The following CDH15 variants were observed in gnomAD, a reference collection of about 807,000 sequenced individuals.
CDH15 encodes cadherin 15, also known as cadherin-15.
A neutral mutation model predicts 69.4 loss-of-function variants in CDH15; 73 were observed. The observed-to-expected ratio is 1.05, with a 90% CI of 0.87 to 1.28. The LOEUF (loss-of-function observed/expected upper bound fraction) is 1.28, where lower values mean the gene tolerates loss of function less well. Among genes scored for constraint, CDH15 ranks in the 50% most tolerant of loss-of-function variants. CDH15 has a pLI of 0.00. For synonymous variants in CDH15, 624 were observed against 507.7 expected (o/e 1.23, Z -3.08); for missense variants, 1,343 against 1,133.6 (o/e 1.18, Z -2.65).
intron 7 of CDH15, 38 bp downstream of exon 7, chr16:89,188,323 C>A: frequency 1.3e-6 from 2 of 1,567,504 alleles, no homozygotes; most frequent in Non-Finnish European, 1.7e-6. Context: ...TGCCGGCAGA[C>A]GCAGATGCCG....
intron 8 of CDH15, among the ~76,000 whole-genome samples, chr16:89,190,964 C>T (rs760704415): frequency 2.6e-5 from 4 of 151,814 alleles, no homozygotes; most frequent in Non-Finnish European, 5.9e-5. Context: ...GTGACTGCAG[C>T]TCCCATCATA....
chr16:89,183,379 T>C, intron 3 of CDH15, 169 bp from the exon 4 acceptor site: 2 of 725,514 alleles, frequency 2.8e-6, no homozygotes, highest in South Asian at 1.8e-5. Flanking sequence ...TTCAGGGACG[T>C]CCTCAGTCAC....
At chr16:89,193,371 C>A in intron 11 of CDH15, 99 bp from the exon 12 acceptor site, 1 of 730,418 alleles carries the variant, frequency 1.4e-6, no homozygotes, top group South Asian at 1.7e-5. Flanking sequence ...GCTTACCAGC[C>A]TTGCCCCGCC....
In CDH15 at chr16:89,194,875, C is replaced by T. The variant is rs1205470417; in HGVS notation, c.2165C>T (p.Ala722Val). 3 of 1,605,228 alleles carry T rather than the reference C, an allele frequency of 1.9e-6. No homozygotes were observed. In the South Asian group the frequency reaches 3.3e-5, roughly 18 times the overall value. The part of the protein sequence containing the change: ...ADFINDGLEA[A>V]DSDPSVPPYD... ...GCCTCTTTATAGGGCTTGGAGGCTG[C>T]AGATAGTGACCCCAGTGTGCCGCCT... is the stretch of plus-strand genomic sequence containing the variant. Residue 722 changes from alanine to valine, a missense_variant, in exon 14 of 14, where the codon GCA (alanine) becomes GTA (valine). Ala to Val is a moderately conservative substitution (Grantham distance 64). Coordinates refer to ENST00000289746, the MANE Select transcript of CDH15 (RefSeq NM_004933.3).
At chr16:89,187,687 G>C in intron 6 of CDH15, 130 bp downstream of exon 6, 2 of 1,340,596 alleles carry the variant, frequency 1.5e-6, no homozygotes, top group Non-Finnish European at 2.1e-6. Context: ...GGAACTCCGC[G>C]TGGGCGGGTG....
intron 12 of CDH15, 25 bp downstream of exon 12, chr16:89,193,631 AG>A: frequency 6.4e-7 from 1 of 1,573,836 alleles, no homozygotes; most frequent in Non-Finnish European, 8.6e-7. Flanking sequence ...GTGGGTGGGG[AG>A]GGGTCCCCAA....
At chr16:89,185,452 C>T in intron 5 of CDH15, 119 bp downstream of exon 5, 1 of 1,131,994 alleles carries the variant, frequency 8.8e-7, no homozygotes, top group Non-Finnish European at 1.3e-6. Flanking sequence ...CACTGCAGAG[C>T]TTGCAGTGGC....
Position 89,171,838 on chromosome 16 carries a change from G to C in CDH15, c.7G>C (p.Ala3Pro). 6.4e-7 allele frequency: 1 copy of C among 1,558,974 alleles called. No individual in the cohort carries two copies. Among genetic ancestry groups the C allele is most frequent in the Non-Finnish European group, 8.7e-7 (1 of 1,155,390 alleles). The change falls in exon 1 of 14, where the codon GCC becomes CCC. Residue 3 changes from alanine to proline, a missense_variant. By Grantham distance (27) the Ala-to-Pro change is conservative. Transcript: ENST00000289746. ...GGCTCCCGCCTCGGCCCCGATGGAC[G>C]CCGCGTTCCTCCTCGTCCTCGGGCT... MD[A>P]AFLLVLGLLA...
At chr16:89,183,838 G>C (rs1915428424) in intron 4 of CDH15, 146 bp downstream of exon 4, 1 of 832,402 alleles carries the variant, frequency 1.2e-6, no homozygotes, top group Non-Finnish European at 1.8e-6. Context: ...CGTTTCCACA[G>C]GTCAACTCCT....
intron 3 of CDH15, among the ~76,000 whole-genome samples, chr16:89,181,250 C>G (rs541645925): frequency 1.3e-5 from 2 of 152,172 alleles, no homozygotes; most frequent in Non-Finnish European, 2.9e-5. Flanking sequence ...CAGTGGCCGC[C>G]ACTGTTCTGG....
chr16:89,188,499 C>T (rs1350526877), intron 7 of CDH15, among the ~76,000 whole-genome samples: 28 of 147,986 alleles, frequency 1.9e-4, no homozygotes, highest in African/African-American at 5.8e-4. Context: ...CACACAGATG[C>T]CGGCACACAC....
At chr16:89,185,505 G>A (rs890538390) in intron 5 of CDH15, 172 bp downstream of exon 5, 7 of 791,152 alleles carry the variant, frequency 8.8e-6, no homozygotes, top group African/African-American at 3.4e-5. Context: ...CCACTGATGC[G>A]CAGACAGGAG....
rs1199165517 is a variant in CDH15 at position 89,191,926 on chromosome 16, T to TCCCCACGCTCCCCCCAC, written c.1615+39_1615+55dup. On this transcript the variant is annotated intron_variant, in intron 10 of 13. Transcript: ENST00000289746. ...TCCCCTCACCGCCGCGCTCCCCCCA[T>TCCCCACGCTCCCCCCAC]CCCCACGCTCCCCCCACCCCCACAT... 8 of 1,435,340 alleles carry TCCCCACGCTCCCCCCAC rather than the reference T, an allele frequency of 5.6e-6. No individual in the cohort carries two copies. In the African/African-American group the frequency reaches 9.9e-5, roughly 18 times the overall value. The allele number at this position is 1,435,340 out of a possible 1,614,324, so 88.9% of individuals were successfully genotyped here.
Position 89,192,326 on chromosome 16 carries a change from G to A in CDH15, c.1737G>A (p.Val579=). The change falls in exon 11 of 14, where the codon GTG becomes GTA. Residue 579 remains valine (V), a synonymous_variant. Coordinates refer to ENST00000289746, the MANE Select transcript of CDH15 (RefSeq NM_004933.3). ...GCGAGCAGCCTCTGAACGTGACCGT[G>A]TGCCGCTGCGGCAAGGACGGCGTCT... The part of the protein sequence containing the change: ...QQREQPLNVT[V]CRCGKDGVCL... The A allele has an allele frequency of 1.3e-6, 2 of 1,535,820 alleles. No individual in the cohort carries two copies. Among genetic ancestry groups the A allele is most frequent in the Non-Finnish European group, 1.7e-6 (2 of 1,147,392 alleles).
intron 11 of CDH15, 49 bp downstream of exon 11, chr16:89,192,493 C>T (rs1239061393): frequency 1.9e-6 from 3 of 1,547,742 alleles, no homozygotes; most frequent in East Asian, 4.8e-5. Context: ...CTCGGACCCT[C>T]CTCCCCAGGC....
chr16:89,187,346 G>A, intron 5 of CDH15, 83 bp from the exon 6 acceptor site: 1 of 1,560,910 alleles, frequency 6.4e-7, no homozygotes, highest in Non-Finnish European at 8.7e-7. Flanking sequence ...GAGCTGGCCA[G>A]GTGGCCTGGC....
intron 10 of CDH15, 67 bp downstream of exon 10, chr16:89,191,961 G>T: frequency 6.9e-7 from 1 of 1,439,974 alleles, no homozygotes. Context: ...TTCCGGCCTC[G>T]GACGGGGGCA....
intron 3 of CDH15, among the ~76,000 whole-genome samples, chr16:89,180,892 T>C (rs1915361283): frequency 6.6e-6 from 1 of 151,246 alleles, no homozygotes; most frequent in South Asian, 2.1e-4. Context: ...CCCGGCTAAT[T>C]GTTTGTATTT....
rs1349758479 is a variant in CDH15, at chr16:89,193,506, G to A, written c.1892G>A (p.Trp631Ter). The A allele has an allele frequency of 1.9e-6, 3 of 1,612,076 alleles. No individual in the cohort carries two copies. Among genetic ancestry groups the A allele is most frequent in the African/African-American group, 2.7e-5 (2 of 74,882 alleles). Residue 631 changes from tryptophan to a stop codon, truncating the protein, a stop_gained, in exon 12 of 14, where the codon TGG becomes TAG. Coordinates refer to ENST00000289746, the MANE Select transcript of CDH15 (RefSeq NM_004933.3). LOFTEE classifies it high-confidence loss of function. ...VLLVALRARF[W>*]KQSRGKGLLH... ...CTCGTGGCACTCCGGGCGCGGTTCTGGAAGCAGTCTCGGGGCAAGGGGCTG... is the reference window on the plus strand; with the variant it reads ...CTCGTGGCACTCCGGGCGCGGTTCTAGAAGCAGTCTCGGGGCAAGGGGCTG...
Sources: allele counts gnomAD v4.1 joint callset (sites outside exome capture counted in the v4.1 genomes callset), GRCh38; gene constraint gnomAD v4.1.1; transcripts MANE v1.5; gene names NCBI Gene and HGNC (gene_info 2026-07-23, HGNC 2026-07-21).